The following PDGFC variants were observed in gnomAD, a reference collection of about 807,000 sequenced individuals.
The protein encoded by PDGFC is platelet derived growth factor C.
In PDGFC, 12 loss-of-function variants were observed where a neutral mutation model predicts 35.5. The ratio of observed to expected loss-of-function variants is 0.34; its 90% CI spans 0.22 to 0.55. The LOEUF is 0.55. Ranked by LOEUF, PDGFC falls within the 20% of genes least tolerant of loss-of-function variation. PDGFC has a pLI of 0.91. For synonymous variants in PDGFC, 159 were observed against 148.8 expected (o/e 1.07, Z -0.50); for missense variants, 322 against 412.4 (o/e 0.78, Z 1.90).
chr4:156,763,746 G>A (rs184371108), intron 5 of PDGFC, among the ~76,000 whole-genome samples: 4 of 152,280 alleles, frequency 2.6e-5, no homozygotes, highest in Admixed American at 2.6e-4. Context: ...TAAACTTGAT[G>A]AGATGGATTA....
At chr4:156,875,718 G>C (rs531837315) in intron 1 of PDGFC, among the ~76,000 whole-genome samples, 2 of 152,230 alleles carry the variant, frequency 1.3e-5, no homozygotes, top group African/African-American at 4.8e-5. Flanking sequence ...AGGAGTTTGA[G>C]AACAGACTGG....
intron 1 of PDGFC, among the ~76,000 whole-genome samples, chr4:156,910,007 C>T (rs555710922): frequency 3.3e-5 from 5 of 152,188 alleles, no homozygotes; most frequent in South Asian, 2.1e-4. Context: ...ATGTCAAATA[C>T]TATCACAACC....
intron 3 of PDGFC, among the ~76,000 whole-genome samples, chr4:156,793,457 A>G (rs1222448382): frequency 6.7e-6 from 1 of 150,248 alleles, no homozygotes; most frequent in East Asian, 2.0e-4. Flanking sequence ...GTGCATTGTG[A>G]CCAGCATTCT....
At position 156,971,072 on chromosome 4, in the gene PDGFC, TTCCTAGAGCCC is replaced by T. The variant is rs1420207945; in HGVS notation, c.-180_-170del. The T allele has an allele frequency of 1.7e-6, 1 of 584,750 alleles. No homozygotes were observed. The highest frequency in any genetic ancestry group is 3.0e-5 in the Admixed American group (1 of 33,852). 36.2% of individuals were successfully genotyped at this position (584,750 alleles called of 1,614,324 possible). A position where few individuals can be genotyped will look rare whatever the true frequency, so the allele number is the denominator to read the frequency against. ...TCCACATAATCCCATCCAAAACTTT[TTCCTAGAGCCC>T]TCTTCTGTGTCTCCAGTTTTTGAAA... On this transcript the variant is annotated 5_prime_UTR_variant, in exon 1 of 6. Transcript: ENST00000502773.
At chr4:156,819,655 AG>A (rs1472298584) in intron 2 of PDGFC, among the ~76,000 whole-genome samples, 1 of 152,236 alleles carries the variant, frequency 6.6e-6, no homozygotes, top group East Asian at 1.9e-4. Context: ...TGTACGTATA[AG>A]GAGATTTACA....
intron 1 of PDGFC, among the ~76,000 whole-genome samples, chr4:156,879,095 T>C (rs1730183144): frequency 6.6e-6 from 1 of 152,182 alleles, no homozygotes; most frequent in African/African-American, 2.4e-5. Flanking sequence ...AGGTGTTTTG[T>C]ACATAGCATA....
chr4:156,780,325 G>T (rs1397006531), intron 3 of PDGFC, among the ~76,000 whole-genome samples: 2 of 151,932 alleles, frequency 1.3e-5, no homozygotes, highest in Non-Finnish European at 2.9e-5. Context: ...TCCAATGAAA[G>T]AAAATGTAAA....
In PDGFC at chr4:156,890,433, G is replaced by A. The variant is rs532999378; in HGVS notation, c.119-40017C>T. 3.9e-5 allele frequency among the ~76,000 whole-genome samples: 6 copies of A among 152,190 alleles called. No homozygotes were observed. The South Asian group carries it at 8.3e-4, about 21-fold the overall frequency. ...GCTATGCTGCTTCAGCACTTGGCAC[G>A]CGCTGCCGTCTCTGTTTCGAATGCC... On this transcript the variant is annotated intron_variant, in intron 1 of 5. Coordinates refer to ENST00000502773, the MANE Select transcript of PDGFC (RefSeq NM_016205.3).
chr4:156,878,509 C>T (rs759900627), intron 1 of PDGFC, among the ~76,000 whole-genome samples: 4 of 152,136 alleles, frequency 2.6e-5, no homozygotes, highest in Admixed American at 6.5e-5. Context: ...ACAGAACTGA[C>T]AGTGATACAG....
At chr4:156,916,638 A>G (rs1319126527) in intron 1 of PDGFC, among the ~76,000 whole-genome samples, 2 of 152,276 alleles carry the variant, frequency 1.3e-5, no homozygotes, top group East Asian at 3.9e-4. Flanking sequence ...GTCTGAAACC[A>G]ACGAAAGTGG....
At chr4:156,959,055 A>G (rs2110964541) in intron 1 of PDGFC, among the ~76,000 whole-genome samples, 1 of 152,174 alleles carries the variant, frequency 6.6e-6, no homozygotes, top group South Asian at 2.1e-4. Flanking sequence ...GCCCAGAAGG[A>G]AAATTTCTAT....
chr4:156,900,005 A>G (rs983143992), intron 1 of PDGFC, among the ~76,000 whole-genome samples: 2 of 152,154 alleles, frequency 1.3e-5, no homozygotes, highest in African/African-American at 4.8e-5. Flanking sequence ...TTTATAAACT[A>G]AGATCATGAC....
chr4:156,776,508 T>G (rs1730834702), intron 3 of PDGFC, among the ~76,000 whole-genome samples: 1 of 152,262 alleles, frequency 6.6e-6, no homozygotes, highest in Non-Finnish European at 1.5e-5. Flanking sequence ...TTCTGTGTTA[T>G]CACCTGCAGG....
chr4:156,846,860 T>C (rs564285387), intron 2 of PDGFC, among the ~76,000 whole-genome samples: 150 of 151,740 alleles, frequency 9.9e-4, no homozygotes, highest in African/African-American at 3.5e-3. Flanking sequence ...AATGAAAAAG[T>C]AAATTGAAGG....
intron 1 of PDGFC, among the ~76,000 whole-genome samples, chr4:156,922,242 G>A (rs1411410621): frequency 6.6e-6 from 1 of 151,594 alleles, no homozygotes; most frequent in Non-Finnish European, 1.5e-5. Context: ...CCTGCACAAA[G>A]TATGCATTCA....
At chr4:156,826,580 C>G (rs573025664) in intron 2 of PDGFC, among the ~76,000 whole-genome samples, 2 of 152,204 alleles carry the variant, frequency 1.3e-5, no homozygotes, top group South Asian at 4.2e-4. Flanking sequence ...TACAATTAAT[C>G]AAGGCATCTT....
intron 1 of PDGFC, among the ~76,000 whole-genome samples, chr4:156,903,969 C>T (rs1730854565): frequency 6.6e-6 from 1 of 152,104 alleles, no homozygotes; most frequent in African/African-American, 2.4e-5. Flanking sequence ...ATAGTGATGC[C>T]TGCCTTTGAA....
In PDGFC at chr4:156,791,979, T is replaced by A. The variant is rs1731310717; in HGVS notation, c.495+18858A>T. Among the ~76,000 whole-genome samples, 3 of 152,290 alleles carry A rather than the reference T, an allele frequency of 2.0e-5. No homozygotes were observed. The South Asian group carries it at 6.2e-4, about 32-fold the overall frequency. On this transcript the variant is annotated intron_variant, in intron 3 of 5. Transcript: ENST00000502773. Reference sequence around the variant, plus strand: ...GGGAAAGCCTGGAAACTTTGATATATCTAATGAAATCCTCCCGTTTATTAT... The same window carrying A: ...GGGAAAGCCTGGAAACTTTGATATAACTAATGAAATCCTCCCGTTTATTAT...
rs549863174 is a variant in PDGFC at position 156,771,823 on chromosome 4, C to A, written c.703+863G>T. ...CTGTCACTGCATTCTCCAAAGCAGT[C>A]GATTTCACTGTTTCTGACAGACTAA... On this transcript the variant is annotated intron_variant, in intron 4 of 5. Transcript: ENST00000502773. Among the ~76,000 whole-genome samples, 14 of 152,216 alleles carry A rather than the reference C, an allele frequency of 9.2e-5. No individual in the cohort carries two copies. The South Asian group carries it at 2.5e-3, about 27-fold the overall frequency.
Sources: gnomAD v4.1 joint callset for allele counts (sites outside exome capture counted in the v4.1 genomes callset) on GRCh38, gnomAD v4.1.1 for gene constraint, MANE v1.5 for transcripts, NCBI Gene and HGNC (gene_info 2026-07-23, HGNC 2026-07-21) for gene names.